The following ARG1 variants were observed in gnomAD, a reference collection of about 807,000 sequenced individuals.
ARG1 encodes arginase 1, also known as arginase-1.
ARG1 carries 20 observed loss-of-function variants against 33.0 expected under a neutral mutation model. That is an observed-to-expected ratio of 0.61 (90% CI 0.43 to 0.88). ARG1 has a LOEUF of 0.88. ARG1 is among the 40% of genes least tolerant of loss of function. The pLI is 0.00. For missense variants in ARG1, 374 were observed against 384.7 expected (o/e 0.97, Z 0.23); for synonymous variants, 146 against 140.6 (o/e 1.04, Z -0.27).
chr6:131,576,260 G>A (rs1156597594), intron 1 of ARG1, among the ~76,000 whole-genome samples: 1 of 152,162 alleles, frequency 6.6e-6, no homozygotes, highest in Non-Finnish European at 1.5e-5. Flanking sequence ...CAGCTTATGA[G>A]GGACTCAAAG....
chr6:131,577,882 C>T (rs990427212), intron 2 of ARG1, among the ~76,000 whole-genome samples: 17 of 142,756 alleles, frequency 1.2e-4, no homozygotes, highest in African/African-American at 3.9e-4. Context: ...CCAACCTGGG[C>T]GACAGAGCGA....
chr6:131,575,831 G>A (rs1484540089), intron 1 of ARG1, among the ~76,000 whole-genome samples: 2 of 152,132 alleles, frequency 1.3e-5, no homozygotes, highest in Non-Finnish European at 2.9e-5. Context: ...AAACGGCAAG[G>A]GTAGAACTTC....
chr6:131,584,261 T>C lies in ARG1; in HGVS notation c.*353T>C, dbSNP rs554233544. On this transcript the variant is annotated 3_prime_UTR_variant, in exon 8 of 8. Coordinates refer to ENST00000368087, the MANE Select transcript of ARG1 (RefSeq NM_000045.4). ...AATCAGGAGACAAAGCTACCACATG[T>C]GGAAAGGTACTATGTGTCCATGTCA... is the stretch of plus-strand genomic sequence containing the variant. 8.3e-5 allele frequency: 23 copies of C among 278,272 alleles called. No individual in the cohort carries two copies. The highest frequency in any genetic ancestry group is 5.0e-4 in the African/African-American group (22 of 44,272). 17.2% of individuals were successfully genotyped at this position (278,272 alleles called of 1,614,324 possible).
chr6:131,578,664 A>G (rs1271309055), intron 2 of ARG1, among the ~76,000 whole-genome samples: 1 of 152,154 alleles, frequency 6.6e-6, no homozygotes, highest in Non-Finnish European at 1.5e-5. Flanking sequence ...AAAATACACC[A>G]GTGCTTTCTA....
intron 3 of ARG1, among the ~76,000 whole-genome samples, 151 bp from the exon 4 acceptor site, chr6:131,581,063 ATTGTT>A (rs1773894798): frequency 6.6e-6 from 1 of 152,140 alleles, no homozygotes; most frequent in Non-Finnish European, 1.5e-5. Flanking sequence ...TGCTTTCTCT[ATTGTT>A]TTAACTAATT....
At chr6:131,578,409 T>G (rs141713726) in intron 2 of ARG1, among the ~76,000 whole-genome samples, 1 of 152,096 alleles carries the variant, frequency 6.6e-6, no homozygotes, top group Non-Finnish European at 1.5e-5. Context: ...TACATGACAC[T>G]CTCTACTTTT....
chr6:131,583,770 A>G lies in ARG1; in HGVS notation c.831A>G (p.Glu277=), dbSNP rs748654016. The change falls in exon 8 of 8, where the codon GAA becomes GAG. Residue 277 remains glutamate, a synonymous_variant. Coordinates refer to ENST00000368087, the MANE Select transcript of ARG1 (RefSeq NM_000045.4). The stretch of plus-strand genomic sequence containing the variant: ...TACTCTCAGGATTAGATATAATGGA[A>G]GTGAACCCATCCCTGGGGAAGACAC... The part of the protein sequence containing the change: ...TGLLSGLDIM[E]VNPSLGKTPE... The G allele has an allele frequency of 8.1e-6, 13 of 1,613,954 alleles. No individual in the cohort carries two copies. In the African/African-American group the frequency reaches 1.6e-4, roughly 20 times the overall value.
chr6:131,574,165 A>C, intron 1 of ARG1: 7 of 1,196,008 alleles, frequency 5.9e-6, no homozygotes, highest in Non-Finnish European at 8.7e-6. Flanking sequence ...ATAAAAAACA[A>C]AGAACAAAAT....
intron 4 of ARG1, among the ~76,000 whole-genome samples, 170 bp downstream of exon 4, chr6:131,581,548 T>C (rs1773927231): frequency 6.6e-6 from 1 of 152,262 alleles, no homozygotes; most frequent in Non-Finnish European, 1.5e-5. Flanking sequence ...TGAGGCTCTC[T>C]ATCTCTGCCT....
In ARG1 at chr6:131,581,297, TATC is replaced by T; in HGVS notation, c.386_388del (p.Ile129del). On this transcript the variant is annotated inframe_deletion, in exon 4 of 8. Coordinates refer to ENST00000368087, the MANE Select transcript of ARG1 (RefSeq NM_000045.4). ...TCATCTGGGTGGATGCTCACACTGA[TATC>T]AACACTCCACTGACAACCACAAGTG... The T allele has an allele frequency of 6.2e-7, 1 of 1,613,892 alleles. No individual in the cohort carries two copies. The highest frequency in any genetic ancestry group is 8.5e-7 in the Non-Finnish European group (1 of 1,179,854).
chr6:131,581,984 T>C (rs1585422565), intron 4 of ARG1, among the ~76,000 whole-genome samples: 1 of 152,252 alleles, frequency 6.6e-6, no homozygotes, highest in African/African-American at 2.4e-5. Flanking sequence ...GCTTATAACT[T>C]TGTTGATATG....
chr6:131,577,937 G>T (rs1240187754), intron 2 of ARG1, among the ~76,000 whole-genome samples: 1 of 150,378 alleles, frequency 6.6e-6, no homozygotes. Context: ...GGAATGGACC[G>T]CAAACACAGG....
intron 1 of ARG1, chr6:131,573,829 T>C: frequency 4.5e-6 from 1 of 221,184 alleles, no homozygotes; most frequent in Non-Finnish European, 9.1e-6. Flanking sequence ...TCATGCAACT[T>C]TGTGAATAAT....
chr6:131,574,308 T>C lies in ARG1; in HGVS notation c.57+969T>C, dbSNP rs1383197436. The C allele has an allele frequency of 1.9e-6, 3 of 1,613,896 alleles. No individual in the cohort carries two copies. Among genetic ancestry groups the C allele is most frequent in the Middle Eastern group, 1.7e-4 (1 of 6,060 alleles). ...CTCTGACTTTTTACTGCAAAACAAA[T>C]TGAGAGAGGCCAGAGGTTAGAGGCC... is the stretch of plus-strand genomic sequence containing the variant. On this transcript the variant is annotated intron_variant, in intron 1 of 7. Transcript: ENST00000368087.
rs191964803 is a variant in ARG1 at position 131,579,849 on chromosome 6, T to C, written c.305+564T>C. 4.0e-3 allele frequency among the ~76,000 whole-genome samples: 610 copies of C among 151,360 alleles called. 8 individuals are homozygous for C. The highest frequency in any genetic ancestry group is 0.027 in the Admixed American group (404 of 15,232). ...TTTAACGTGTGTGTGTGTGTGTATG[T>C]GTGTGTGTGAGAGAGAGAGAGAGAG... is the stretch of plus-strand genomic sequence containing the variant. On this transcript the variant is annotated intron_variant, in intron 3 of 7. Coordinates refer to ENST00000368087, the MANE Select transcript of ARG1 (RefSeq NM_000045.4).
At chr6:131,582,239 T>C (rs1392358946) in intron 4 of ARG1, among the ~76,000 whole-genome samples, 1 of 152,152 alleles carries the variant, frequency 6.6e-6, no homozygotes, top group Non-Finnish European at 1.5e-5. Flanking sequence ...ACATTAAGAA[T>C]AACCAAAGGA....
intron 6 of ARG1, 85 bp downstream of exon 6, chr6:131,583,249 A>G (rs1253216964): frequency 1.2e-6 from 2 of 1,600,348 alleles, no homozygotes; most frequent in East Asian, 4.5e-5. Flanking sequence ...AAGTCTTTAC[A>G]TGAAATAATG....
chr6:131,579,343 T>C (rs1194568857), intron 3 of ARG1, 58 bp downstream of exon 3: 2 of 1,582,268 alleles, frequency 1.3e-6, no homozygotes, highest in African/African-American at 1.3e-5. Flanking sequence ...ACCAAGGCCA[T>C]AAGAAGAGAG....
At chr6:131,581,440 G>C (rs1773920712) in intron 4 of ARG1, 62 bp downstream of exon 4, 4 of 1,507,016 alleles carry the variant, frequency 2.7e-6, no homozygotes, top group Non-Finnish European at 3.6e-6. Flanking sequence ...TCAGGAGGTG[G>C]AAGGGAAATG....
Sources: gnomAD v4.1 joint callset for allele counts (sites outside exome capture counted in the v4.1 genomes callset) on GRCh38, gnomAD v4.1.1 for gene constraint, MANE v1.5 for transcripts, NCBI Gene and HGNC (gene_info 2026-07-23, HGNC 2026-07-21) for gene names.